The following NUMB variants were observed in gnomAD, a reference collection of about 807,000 sequenced individuals.
NUMB encodes the protein NUMB endocytic adaptor protein.
NUMB carries 29 observed loss-of-function variants against 59.7 expected under a neutral mutation model. The observed-to-expected ratio is 0.49, with a 90% CI of 0.36 to 0.66. The LOEUF (loss-of-function observed/expected upper bound fraction) is 0.66. NUMB is among the 30% of genes least tolerant of loss of function. The probability of loss-of-function intolerance (pLI) is 0.00; values close to 1 mark genes in which losing one functional copy is unlikely to be tolerated. For missense variants in NUMB, 723 were observed against 822.0 expected (o/e 0.88, Z 1.47); for synonymous variants, 288 against 288.2 (o/e 1.00, Z 0.01).
Position 73,279,340 on chromosome 14 carries a change from G to C in NUMB, c.1181C>G (p.Thr394Ser). 2 of 1,613,890 alleles carry C rather than the reference G, an allele frequency of 1.2e-6. No individual in the cohort carries two copies. The highest frequency in any genetic ancestry group is 1.7e-6 in the Non-Finnish European group (2 of 1,179,852). ...ATCAGGGGCATGGGCCCAAGGGTTG[G>C]TTTCACGCACAGGCATTGCTACGGG... Reference protein sequence around the residue: ...LAPVAMPVRETNPWAHAPDAA... With the variant: ...LAPVAMPVRESNPWAHAPDAA... The change falls in exon 12 of 13, where the codon ACC becomes AGC. Residue 394 changes from threonine to serine, a missense_variant. By Grantham distance (58) the Thr-to-Ser change is moderately conservative. Around this residue, in one of 2 missense-constraint regions of NUMB, gnomAD observed 406 missense variants for 385.4 expected, o/e 1.05. Coordinates refer to ENST00000555238, the MANE Select transcript of NUMB (RefSeq NM_001005743.2).
At chr14:73,331,052 G>A (rs957255750) in intron 4 of NUMB, among the ~76,000 whole-genome samples, 3 of 152,096 alleles carry the variant, frequency 2.0e-5, no homozygotes, top group South Asian at 2.1e-4. Flanking sequence ...GATTTTCCAC[G>A]CATATATTTC....
intron 2 of NUMB, among the ~76,000 whole-genome samples, chr14:73,396,981 A>G (rs1358282324): frequency 6.6e-6 from 1 of 152,090 alleles, no homozygotes; most frequent in Non-Finnish European, 1.5e-5. Context: ...AAAATTAGCC[A>G]GGCATGGTGG....
intron 2 of NUMB, among the ~76,000 whole-genome samples, chr14:73,367,853 G>A (rs117168412): frequency 0.015 from 2,321 of 150,732 alleles, 32 homozygotes; most frequent in Middle Eastern, 0.062. Context: ...GAAAGAGACA[G>A]ACATATTGTC....
Position 73,429,260 on chromosome 14 carries a change from T to A in NUMB, c.-232-19192A>T, listed in dbSNP as rs145392224. On this transcript the variant is annotated intron_variant, in intron 1 of 12. Transcript: ENST00000555238. ...GGTGGCGAGCACCTGAAGTCCCAGC[T>A]ACTCGGGAGGCTGAGGCAGGAGAAT... is the stretch of plus-strand genomic sequence containing the variant. Among the ~76,000 whole-genome samples, 576 of 152,172 alleles carry A rather than the reference T, an allele frequency of 3.8e-3. 7 individuals are homozygous for A. The highest frequency in any genetic ancestry group is 0.013 in the African/African-American group (552 of 41,544).
chr14:73,385,032 T>A (rs943951385), intron 2 of NUMB, among the ~76,000 whole-genome samples: 1 of 151,992 alleles, frequency 6.6e-6, no homozygotes, highest in African/African-American at 2.4e-5. Flanking sequence ...TAGCTGGGAT[T>A]ACAGGCATGA....
chr14:73,327,962 A>G (rs1891752054), intron 4 of NUMB, among the ~76,000 whole-genome samples: 1 of 152,082 alleles, frequency 6.6e-6, no homozygotes, highest in Non-Finnish European at 1.5e-5. Context: ...TTCTATTCCT[A>G]TAATTTTGCC....
chr14:73,291,084 T>C (rs1889359085), intron 8 of NUMB, among the ~76,000 whole-genome samples: 1 of 151,936 alleles, frequency 6.6e-6, no homozygotes, highest in African/African-American at 2.4e-5. Flanking sequence ...TTTTTGTTTT[T>C]TGTTTTTTTT....
chr14:73,353,072 G>GTTTTTCTTTTTTTTTTTTTTTTTTTTTTT lies in NUMB; in HGVS notation c.126+2553_126+2554insAAAAAAAAAAAAAAAAAAAAAAAGAAAAA, dbSNP rs71450219. 8.0e-4 allele frequency among the ~76,000 whole-genome samples: 47 copies of GTTTTTCTTTTTTTTTTTTTTTTTTTTTTT among 58,522 alleles called. 12 individuals carry two copies. Among genetic ancestry groups the GTTTTTCTTTTTTTTTTTTTTTTTTTTTTT allele is most frequent in the East Asian group, 2.5e-3 (4 of 1,596 alleles). 38.4% of individuals were successfully genotyped at this position (58,522 alleles called of 152,430 possible). ...CTTAATGGATGCCACAGTTTTTCTT[G>GTTTTTCTTTTTTTTTTTTTTTTTTTTTTT]TTTTTTTTTTTTTTTTTTTTTTTTT... On this transcript the variant is annotated intron_variant, in intron 4 of 12. Transcript: ENST00000555238.
intron 1 of NUMB, among the ~76,000 whole-genome samples, chr14:73,419,290 C>G (rs1198770613): frequency 6.6e-6 from 1 of 152,068 alleles, no homozygotes; most frequent in Non-Finnish European, 1.5e-5. Context: ...GCGGGCGGAT[C>G]ACAAGATCAG....
chr14:73,335,727 GA>G (rs1181648483), intron 4 of NUMB, among the ~76,000 whole-genome samples: 1 of 152,110 alleles, frequency 6.6e-6, no homozygotes, highest in East Asian at 1.9e-4. Context: ...TCCATCACAA[GA>G]AATGCAGACC....
At chr14:73,296,483 T>C (rs935110407) in intron 7 of NUMB, among the ~76,000 whole-genome samples, 4 of 151,390 alleles carry the variant, frequency 2.6e-5, no homozygotes, top group African/African-American at 9.7e-5. Flanking sequence ...CACTAAATGC[T>C]AATGCTTAGT....
At chr14:73,322,599 T>G (rs1253855922) in intron 5 of NUMB, among the ~76,000 whole-genome samples, 1 of 152,182 alleles carries the variant, frequency 6.6e-6, no homozygotes, top group Non-Finnish European at 1.5e-5. Flanking sequence ...TTTTTTACAG[T>G]ATATTTAAAA....
chr14:73,287,361 A>G (rs1271224847), intron 8 of NUMB, 47 bp from the exon 9 acceptor site: 4 of 1,418,726 alleles, frequency 2.8e-6, no homozygotes, highest in Non-Finnish European at 3.9e-6. Flanking sequence ...ACTACTAACA[A>G]TTACATACAA....
intron 1 of NUMB, among the ~76,000 whole-genome samples, chr14:73,417,597 T>TA (rs1215890786): frequency 3.3e-5 from 5 of 151,190 alleles, no homozygotes; most frequent in African/African-American, 1.2e-4. Flanking sequence ...ATCTATAATG[T>TA]AAAAAAACAA....
intron 3 of NUMB, among the ~76,000 whole-genome samples, chr14:73,357,712 G>A (rs1269634399): frequency 6.6e-6 from 1 of 151,938 alleles, no homozygotes; most frequent in Non-Finnish European, 1.5e-5. Flanking sequence ...GCAGTAAGCC[G>A]AGATTGTGCC....
At chr14:73,386,145 G>A (rs1895513546) in intron 2 of NUMB, among the ~76,000 whole-genome samples, 1 of 152,050 alleles carries the variant, frequency 6.6e-6, no homozygotes, top group Non-Finnish European at 1.5e-5. Context: ...TGTTGAGGCA[G>A]GAGGATCACT....
chr14:73,386,455 A>ATT (rs934910934), intron 2 of NUMB, among the ~76,000 whole-genome samples: 27 of 151,744 alleles, frequency 1.8e-4, no homozygotes, highest in African/African-American at 6.3e-4. Flanking sequence ...ACAATTCCAG[A>ATT]TTTTTTTTTA....
chr14:73,334,728 T>C (rs1409338426), intron 4 of NUMB, among the ~76,000 whole-genome samples: 1 of 152,028 alleles, frequency 6.6e-6, no homozygotes, highest in Non-Finnish European at 1.5e-5. Context: ...GTGGATCACC[T>C]GAAGTCAGGA....
chr14:73,419,417 G>A (rs1418706089), intron 1 of NUMB, among the ~76,000 whole-genome samples: 1 of 152,192 alleles, frequency 6.6e-6, no homozygotes, highest in Non-Finnish European at 1.5e-5. Flanking sequence ...GCTGAGGCAG[G>A]AGAATGGCAT....
Sources: gnomAD v4.1 joint callset for allele counts (sites outside exome capture counted in the v4.1 genomes callset) on GRCh38, gnomAD v4.1.1 for gene constraint, gnomAD v4.1.1 regional missense constraint, MANE v1.5 for transcripts, NCBI Gene and HGNC (gene_info 2026-07-23, HGNC 2026-07-21) for gene names.